SBF2: variants seen among roughly 807,000 people sequenced by gnomAD.
SBF2 encodes the protein myotubularin-related protein 13.
Under a neutral mutation model 225.2 loss-of-function variants are expected in SBF2, and 112 were observed. The ratio of observed to expected loss-of-function variants is 0.50; its 90% confidence interval spans 0.43 to 0.58. The LOEUF (loss-of-function observed/expected upper bound fraction) is 0.58, where lower values mean the gene tolerates loss of function less well. Ranked by LOEUF, SBF2 falls within the 20% of genes least tolerant of loss-of-function variation. The pLI is 0.00. For synonymous variants in SBF2, 763 were observed against 773.3 expected (o/e 0.99, Z 0.22); for missense variants, 1,996 against 2,206.2 (o/e 0.90, Z 1.91).
chr11:9,974,508 C>G (rs1408753389), intron 13 of SBF2, among the ~76,000 whole-genome samples: 1 of 151,952 alleles, frequency 6.6e-6, no homozygotes, highest in Non-Finnish European at 1.5e-5. Context: ...AAGACAAGTA[C>G]TCTTGTCACA....
intron 13 of SBF2, among the ~76,000 whole-genome samples, chr11:9,972,401 CTCTT>C (rs1946505118): frequency 6.6e-6 from 1 of 152,194 alleles, no homozygotes; most frequent in Admixed American, 6.5e-5. Flanking sequence ...CTAAAGCCAT[CTCTT>C]TCTCCCAAGA....
At position 9,880,084 on chromosome 11, in the gene SBF2, TAAAAAAAAAAAAAA is replaced by T. The variant is rs58140393; in HGVS notation, c.1929+15845_1929+15858del. Among the ~76,000 whole-genome samples the T allele has an allele frequency of 2.5e-4, 13 of 52,008 alleles. No individual in the cohort carries two copies. The South Asian group carries it at 8.8e-3, about 35-fold the overall frequency. 34.1% of individuals were successfully genotyped at this position (52,008 alleles called of 152,430 possible). ...GGACAATGAGTGAGACTCTGTCTCATAAAAAAAAAAAAAAAAAAAAAAAAAAAGATCTCAGGATG... is the reference window on the plus strand; with the variant it reads ...GGACAATGAGTGAGACTCTGTCTCATAAAAAAAAAAAAAGATCTCAGGATG... On this transcript the variant is annotated intron_variant, in intron 17 of 39. Transcript: ENST00000256190.
intron 16 of SBF2, among the ~76,000 whole-genome samples, chr11:9,934,969 G>C (rs78833791): frequency 1.3e-5 from 2 of 152,166 alleles, no homozygotes; most frequent in Non-Finnish European, 2.9e-5. Flanking sequence ...AGTCAGGGAA[G>C]AGAAAGAAAT....
intron 2 of SBF2, chr11:10,044,567 C>G: frequency 4.7e-6 from 1 of 213,848 alleles, no homozygotes; most frequent in Non-Finnish European, 9.1e-6. Context: ...AGTCTGGGCT[C>G]CAGAGTTGGA....
chr11:10,041,237 T>A (rs1949640870), intron 3 of SBF2, among the ~76,000 whole-genome samples: 1 of 152,090 alleles, frequency 6.6e-6, no homozygotes, highest in South Asian at 2.1e-4. Flanking sequence ...TAGAGAACAC[T>A]CTCTAACTTA....
At chr11:9,996,594 T>C (rs1314550821) in intron 9 of SBF2, among the ~76,000 whole-genome samples, 1 of 151,976 alleles carries the variant, frequency 6.6e-6, no homozygotes, top group Admixed American at 6.6e-5. Context: ...TTTCACCATG[T>C]TGGACAGGCT....
intron 2 of SBF2, among the ~76,000 whole-genome samples, chr11:10,119,248 C>T (rs1590998525): frequency 6.6e-6 from 1 of 152,076 alleles, no homozygotes; most frequent in Admixed American, 6.6e-5. Context: ...TGTCTTAGTA[C>T]TTCCTGTTCC....
chr11:9,962,173 C>T (rs929509601), intron 15 of SBF2, 67 bp from the exon 16 acceptor site: 1 of 1,467,380 alleles, frequency 6.8e-7, no homozygotes, highest in Admixed American at 1.7e-5. Flanking sequence ...TTCAAACAAT[C>T]ATCCTGAAAA....
At chr11:10,277,284 T>C (rs1231354024) in intron 1 of SBF2, among the ~76,000 whole-genome samples, 3 of 99,348 alleles carry the variant, frequency 3.0e-5, no homozygotes, top group Non-Finnish European at 4.7e-5. Flanking sequence ...TGCAAAGCTA[T>C]GTATCTGTCT....
intron 2 of SBF2, among the ~76,000 whole-genome samples, chr11:10,164,711 A>T (rs1446861799): frequency 2.0e-5 from 3 of 152,184 alleles, no homozygotes; most frequent in Non-Finnish European, 2.9e-5. Flanking sequence ...AAACAGCTAA[A>T]AACAGTCCAC....
At chr11:9,905,388 A>T (rs1862042388) in intron 16 of SBF2, among the ~76,000 whole-genome samples, 1 of 152,236 alleles carries the variant, frequency 6.6e-6, no homozygotes, top group African/African-American at 2.4e-5. Flanking sequence ...AAATGATCTT[A>T]CTAGGTCTTG....
intron 6 of SBF2, among the ~76,000 whole-genome samples, chr11:10,020,849 C>T (rs1948826546): frequency 6.8e-6 from 1 of 147,778 alleles, no homozygotes; most frequent in African/African-American, 2.5e-5. Flanking sequence ...ATTTTAATAA[C>T]TTTTATGTAC....
At position 9,934,790 on chromosome 11, in the gene SBF2, T is replaced by C. The variant is rs186099282; in HGVS notation, c.1860+27167A>G. Among the ~76,000 whole-genome samples, 4 of 152,288 alleles carry C rather than the reference T, an allele frequency of 2.6e-5. No individual in the cohort carries two copies. In the East Asian group the frequency reaches 7.7e-4, roughly 29 times the overall value. Reference sequence around the variant, plus strand: ...CTAAAAACTCTCGATAAACAAGGTATTGACGGAACGTACCTCAAAATAATA... The same window carrying C: ...CTAAAAACTCTCGATAAACAAGGTACTGACGGAACGTACCTCAAAATAATA... On this transcript the variant is annotated intron_variant, in intron 16 of 39. Transcript: ENST00000256190.
intron 5 of SBF2, 33 bp from the exon 6 acceptor site, chr11:10,028,590 A>C: frequency 2.3e-6 from 3 of 1,318,332 alleles, no homozygotes; most frequent in Non-Finnish European, 3.3e-6. Flanking sequence ...ACACACACAC[A>C]CACGATTTCA....
rs1339984949 is a variant in SBF2, at chr11:9,851,092, T to C, written c.2611-874A>G. On this transcript the variant is annotated intron_variant, in intron 21 of 39. Coordinates refer to ENST00000256190, the MANE Select transcript of SBF2 (RefSeq NM_030962.4). ...GGGAGGTTGCAGTGAGCCGAGATTGTGCCACTGCACTCCAGCCTGGGCAAC... is the reference window on the plus strand; with the variant it reads ...GGGAGGTTGCAGTGAGCCGAGATTGCGCCACTGCACTCCAGCCTGGGCAAC... Among the ~76,000 whole-genome samples the C allele has an allele frequency of 1.0e-4, 14 of 140,086 alleles. No homozygotes were observed. The South Asian group carries it at 2.1e-3, about 21-fold the overall frequency. The allele number at this position is 140,086 out of a possible 152,430, so 91.9% of individuals were successfully genotyped here.
chr11:9,949,533 C>G (rs1865740380), intron 16 of SBF2, among the ~76,000 whole-genome samples: 1 of 152,112 alleles, frequency 6.6e-6, no homozygotes. Flanking sequence ...CTTTTCTTAA[C>G]TGACTGAGAT....
intron 2 of SBF2, among the ~76,000 whole-genome samples, chr11:10,173,402 T>C (rs1439636999): frequency 1.3e-5 from 2 of 152,170 alleles, no homozygotes; most frequent in African/African-American, 2.4e-5. Context: ...GGGTGACAGA[T>C]GGCACCTGGA....
intron 1 of SBF2, among the ~76,000 whole-genome samples, chr11:10,250,634 T>TTATAATAG (rs1176697726): frequency 6.6e-6 from 1 of 152,222 alleles, no homozygotes; most frequent in East Asian, 1.9e-4. Context: ...TCAATGCATG[T>TTATAATAG]TTTATGTTAT....
At chr11:10,013,151 TC>T (rs1948519896) in intron 6 of SBF2, among the ~76,000 whole-genome samples, 1 of 152,194 alleles carries the variant, frequency 6.6e-6, no homozygotes. Context: ...CTTCACAATT[TC>T]TCTGTTAAAT....
Sources: gnomAD v4.1 joint callset for allele counts (sites outside exome capture counted in the v4.1 genomes callset) on GRCh38, gnomAD v4.1.1 for gene constraint, MANE v1.5 for transcripts, NCBI Gene and HGNC (gene_info 2026-07-23, HGNC 2026-07-21) for gene names.